METTL24: variants seen among roughly 807,000 people sequenced by gnomAD.
METTL24 encodes methyltransferase like 24.
A neutral mutation model predicts 32.7 loss-of-function variants in METTL24; 29 were observed. The ratio of observed to expected loss-of-function variants is 0.89; its 90% CI spans 0.66 to 1.21. The LOEUF is 1.21. Among genes scored for constraint, METTL24 ranks in the 50% most tolerant of loss-of-function variants. The pLI is 0.00. For synonymous variants in METTL24, 163 were observed against 179.5 expected, an observed-to-expected ratio of 0.91 and a Z score of 0.73; for missense variants, 439 against 468.1, an observed-to-expected ratio of 0.94 and a Z score of 0.57.
intron 4 of METTL24, among the ~76,000 whole-genome samples, chr6:110,285,819 T>C (rs779109436): frequency 6.6e-6 from 1 of 152,206 alleles, no homozygotes; most frequent in Non-Finnish European, 1.5e-5. Flanking sequence ...TTGGTTCTCA[T>C]TCCCCAAACT....
At chr6:110,288,365 A>G (rs964335197) in intron 4 of METTL24, among the ~76,000 whole-genome samples, 1 of 152,178 alleles carries the variant, frequency 6.6e-6, no homozygotes, top group East Asian at 1.9e-4. Flanking sequence ...CATGTTAATT[A>G]CATTCCCAAG....
intron 1 of METTL24, among the ~76,000 whole-genome samples, chr6:110,346,593 C>T (rs185843751): frequency 1.3e-5 from 2 of 151,818 alleles, no homozygotes; most frequent in Non-Finnish European, 2.9e-5. Flanking sequence ...CAACCTCCAC[C>T]TCCCCGGTTC....
chr6:110,299,541 T>G (rs964286364), intron 3 of METTL24, among the ~76,000 whole-genome samples: 16 of 152,304 alleles, frequency 1.1e-4, no homozygotes, highest in African/African-American at 3.6e-4. Context: ...AGAGATGTGT[T>G]CTACTAATGA....
intron 4 of METTL24, among the ~76,000 whole-genome samples, chr6:110,280,273 A>G (rs1771114769): frequency 6.6e-6 from 1 of 152,170 alleles, no homozygotes; most frequent in Non-Finnish European, 1.5e-5. Flanking sequence ...GTACATAAAC[A>G]GGCATGTGCT....
chr6:110,314,649 A>C (rs144172589), intron 3 of METTL24, among the ~76,000 whole-genome samples: 38 of 152,222 alleles, frequency 2.5e-4, no homozygotes, highest in Non-Finnish European at 8.8e-5. Context: ...TGGGTTATAC[A>C]TCATAACTGT....
intron 4 of METTL24, among the ~76,000 whole-genome samples, chr6:110,253,027 G>T (rs183374517): frequency 2.0e-5 from 3 of 152,312 alleles, no homozygotes; most frequent in Admixed American, 2.0e-4. Context: ...GACTAACACA[G>T]TCTGGTAGAA....
chr6:110,271,539 G>A (rs1770958528), intron 4 of METTL24, among the ~76,000 whole-genome samples: 1 of 152,040 alleles, frequency 6.6e-6, no homozygotes, highest in Admixed American at 6.6e-5. Flanking sequence ...TATTAATGGT[G>A]AGCTTCTTGA....
intron 2 of METTL24, among the ~76,000 whole-genome samples, chr6:110,318,832 T>TC (rs947717274): frequency 1.3e-5 from 2 of 152,164 alleles, no homozygotes; most frequent in Non-Finnish European, 2.9e-5. Context: ...ACTTTCTAGT[T>TC]AAGATTTATG....
intron 1 of METTL24, among the ~76,000 whole-genome samples, chr6:110,343,853 G>A (rs1207698716): frequency 1.3e-5 from 2 of 152,206 alleles, no homozygotes; most frequent in Non-Finnish European, 2.9e-5. Context: ...GATTAGAGAA[G>A]CGGGCAGTGC....
intron 4 of METTL24, among the ~76,000 whole-genome samples, chr6:110,249,522 T>C (rs1562214871): frequency 6.6e-6 from 1 of 152,016 alleles, no homozygotes; most frequent in Non-Finnish European, 1.5e-5. Context: ...GCTCTTCCAG[T>C]GTGCTTTTTC....
chr6:110,295,546 C>T (rs935940853), intron 4 of METTL24, among the ~76,000 whole-genome samples: 13 of 152,228 alleles, frequency 8.5e-5, no homozygotes, highest in Non-Finnish European at 1.6e-4. Context: ...TGGCATGAAT[C>T]TCAATTAATT....
intron 4 of METTL24, among the ~76,000 whole-genome samples, chr6:110,262,963 C>T (rs1195014489): frequency 9.9e-5 from 15 of 152,132 alleles, no homozygotes; most frequent in South Asian, 4.1e-4. Flanking sequence ...ATTGATGGGA[C>T]GTATCTCAAA....
intron 1 of METTL24, among the ~76,000 whole-genome samples, chr6:110,345,586 T>C (rs1311211862): frequency 2.0e-5 from 3 of 152,192 alleles, no homozygotes; most frequent in Admixed American, 6.5e-5. Context: ...CCATGGACTG[T>C]TGGGCAGCCA....
At chr6:110,259,463 G>A (rs1778448365) in intron 4 of METTL24, among the ~76,000 whole-genome samples, 1 of 152,230 alleles carries the variant, frequency 6.6e-6, no homozygotes, top group Non-Finnish European at 1.5e-5. Context: ...AAACAAAGCG[G>A]CCAGGAAGCT....
At position 110,296,641 on chromosome 6, in the gene METTL24, T is replaced by C. The variant is rs554189708; in HGVS notation, c.786+2281A>G. On this transcript the variant is annotated intron_variant, in intron 4 of 4. Coordinates refer to ENST00000338882, the MANE Select transcript of METTL24 (RefSeq NM_001123364.3). ...GGAATCTACGTATGGATATACAGAA[T>C]AGGAAAACTAACAGCGGAATAGGGA... Among the ~76,000 whole-genome samples the C allele has an allele frequency of 5.9e-5, 9 of 152,324 alleles. No homozygotes were observed. In the South Asian group the frequency reaches 1.7e-3, roughly 28 times the overall value.
At chr6:110,265,554 A>G (rs1770841541) in intron 4 of METTL24, among the ~76,000 whole-genome samples, 1 of 152,132 alleles carries the variant, frequency 6.6e-6, no homozygotes, top group Non-Finnish European at 1.5e-5. Flanking sequence ...TCTGAGCAAT[A>G]AGATATAAGT....
intron 4 of METTL24, among the ~76,000 whole-genome samples, chr6:110,295,019 T>C (rs1474634498): frequency 3.2e-5 from 4 of 125,886 alleles, no homozygotes; most frequent in Non-Finnish European, 4.9e-5. Flanking sequence ...CTTTCTTTTT[T>C]TTTTTTTTTT....
intron 4 of METTL24, among the ~76,000 whole-genome samples, chr6:110,257,987 C>T (rs575161182): frequency 6.6e-6 from 1 of 152,148 alleles, no homozygotes; most frequent in Non-Finnish European, 1.5e-5. Context: ...TGGCTGGGGC[C>T]TTGACTCTCA....
At chr6:110,287,887 A>G (rs370375288) in intron 4 of METTL24, among the ~76,000 whole-genome samples, 2 of 152,172 alleles carry the variant, frequency 1.3e-5, no homozygotes, top group Non-Finnish European at 2.9e-5. Flanking sequence ...GCTTGAGGAT[A>G]AATCATTATC....
Sources: allele counts gnomAD v4.1 joint callset (sites outside exome capture counted in the v4.1 genomes callset), GRCh38; gene constraint gnomAD v4.1.1; transcripts MANE v1.5; gene names NCBI Gene and HGNC (gene_info 2026-07-23, HGNC 2026-07-21).